ZNF257: variants seen among roughly 807,000 people sequenced by gnomAD.
ZNF257 encodes the protein bone marrow zinc finger 4.
ZNF257 carries 12 observed loss-of-function variants against 11.9 expected under a neutral mutation model. The ratio of observed to expected loss-of-function variants is 1.01; its 90% CI spans 0.65 to 1.63. The LOEUF (loss-of-function observed/expected upper bound fraction) is 1.63. Ranked by LOEUF, ZNF257 falls within the 40% of genes most tolerant of loss-of-function variation. The pLI is 0.00. For missense variants in ZNF257, 580 were observed against 665.5 expected, an observed-to-expected ratio of 0.87 and a Z score of 1.41; for synonymous variants, 183 against 222.7, an observed-to-expected ratio of 0.82 and a Z score of 1.59.
chr19:22,056,070 AAG>A (rs2021629346), intron 1 of ZNF257, among the ~76,000 whole-genome samples: 1 of 151,820 alleles, frequency 6.6e-6, no homozygotes, highest in African/African-American at 2.4e-5. Flanking sequence ...AAAAAAAAAA[AAG>A]AAAAGAATTG....
Position 22,089,632 on chromosome 19 carries a change from A to T in ZNF257, c.*190A>T. 1 of 1,401,556 alleles carries T rather than the reference A, an allele frequency of 7.1e-7. No individual in the cohort carries two copies. The highest frequency in any genetic ancestry group is 9.4e-7 in the Non-Finnish European group (1 of 1,068,970). The allele number at this position is 1,401,556 out of a possible 1,614,324, so 86.8% of individuals were successfully genotyped here. A position where few individuals can be genotyped will look rare whatever the true frequency, so the allele number is the denominator to read the frequency against. ...GCTGGAGAGAAACTCTTGAAATGTG[A>T]TGAATGTGGCATAGCCTCTTCCCAG... On this transcript the variant is annotated 3_prime_UTR_variant, in exon 4 of 4. Coordinates refer to ENST00000594947, the MANE Select transcript of ZNF257 (RefSeq NM_033468.4).
At chr19:22,075,175 T>TG (rs1157971900) in intron 3 of ZNF257, among the ~76,000 whole-genome samples, 2 of 152,144 alleles carry the variant, frequency 1.3e-5, no homozygotes, top group East Asian at 1.9e-4. Context: ...ACAAAGGGCT[T>TG]GGATAGTTGT....
At chr19:22,073,336 ATTTCTGTTAT>A in intron 2 of ZNF257, 123 bp from the exon 3 acceptor site, 1 of 1,103,680 alleles carries the variant, frequency 9.1e-7, no homozygotes. Flanking sequence ...ATATTTAGAA[ATTTCTGTTAT>A]AAATTAGTAT....
chr19:22,087,425 C>A, intron 3 of ZNF257: 1 of 444,808 alleles, frequency 2.2e-6, no homozygotes, highest in Non-Finnish European at 3.7e-6. Context: ...TCACTTGCTA[C>A]ACTTGTTACC....
At position 22,073,005 on chromosome 19, in the gene ZNF257, T is replaced by G. The variant is rs2022142507; in HGVS notation, c.130+70T>G. Reference sequence around the variant, plus strand: ...TTTATTTTTTATTTATTTTTTTTTTTGTAGAATGTTTTTTGGTAATTTGGT... The same window carrying G: ...TTTATTTTTTATTTATTTTTTTTTTGGTAGAATGTTTTTTGGTAATTTGGT... On this transcript the variant is annotated intron_variant, in intron 2 of 3. Transcript: ENST00000594947. The G allele has an allele frequency of 8.5e-6, 12 of 1,411,542 alleles. No individual in the cohort carries two copies. The East Asian group carries it at 3.1e-4, about 37-fold the overall frequency. The allele number at this position is 1,411,542 out of a possible 1,614,324, so 87.4% of individuals were successfully genotyped here. A position where few individuals can be genotyped will look rare whatever the true frequency, so the allele number is the denominator to read the frequency against.
intron 3 of ZNF257, among the ~76,000 whole-genome samples, chr19:22,082,308 G>C (rs1001672175): frequency 2.0e-5 from 3 of 152,070 alleles, no homozygotes; most frequent in African/African-American, 7.2e-5. Context: ...ATATGATGCT[G>C]TGCGAATTTT....
intron 1 of ZNF257, among the ~76,000 whole-genome samples, chr19:22,065,515 A>T (rs10415826): frequency 0.27 from 40,517 of 151,904 alleles, 6,707 homozygotes; most frequent in African/African-American, 0.47. Flanking sequence ...AGACATTTTT[A>T]AAAAATTTTA....
chr19:22,077,208 A>G (rs189397139), intron 3 of ZNF257, among the ~76,000 whole-genome samples: 1 of 152,178 alleles, frequency 6.6e-6, no homozygotes, highest in East Asian at 1.9e-4. Context: ...GGTCCTAGCT[A>G]TTTGGGAGAT....
intron 1 of ZNF257, among the ~76,000 whole-genome samples, chr19:22,068,030 A>C (rs975304107): frequency 2.0e-5 from 3 of 152,004 alleles, no homozygotes; most frequent in African/African-American, 7.3e-5. Context: ...TGTTATTTCT[A>C]TAAATAAATA....
In ZNF257 at chr19:22,073,451, C is replaced by T. The variant is rs2022152761; in HGVS notation, c.131-18C>T. The T allele has an allele frequency of 1.3e-6, 2 of 1,599,078 alleles. No individual in the cohort carries two copies. Among genetic ancestry groups the T allele is most frequent in the East Asian group, 4.5e-5 (2 of 44,486 alleles). On this transcript the variant is annotated intron_variant, in intron 2 of 3. Coordinates refer to ENST00000594947, the MANE Select transcript of ZNF257 (RefSeq NM_033468.4). ...GAGAATATGAGCAAGATGCGTGTTACTTATTTTTAAAAAACAGGTATTGCT... is the reference window on the plus strand; with the variant it reads ...GAGAATATGAGCAAGATGCGTGTTATTTATTTTTAAAAAACAGGTATTGCT...
intron 3 of ZNF257, among the ~76,000 whole-genome samples, chr19:22,084,594 TATTA>T (rs999955434): frequency 1.1e-4 from 16 of 152,196 alleles, no homozygotes; most frequent in Admixed American, 9.8e-4. Context: ...ATCTATACAA[TATTA>T]ATTATTTTAA....
chr19:22,090,698 A>G lies in ZNF257; in HGVS notation c.*1256A>G, dbSNP rs2022605793. On this transcript the variant is annotated 3_prime_UTR_variant, in exon 4 of 4. Transcript: ENST00000594947. Reference sequence around the variant, plus strand: ...GTAGACATTTCTTTGAGAAGTCATAATTAAATTCAAGTATACTTTTTTGAT... The same window carrying G: ...GTAGACATTTCTTTGAGAAGTCATAGTTAAATTCAAGTATACTTTTTTGAT... The G allele has an allele frequency of 6.6e-6, 1 of 152,174 alleles. No homozygotes were observed. The highest frequency in any genetic ancestry group is 1.5e-5 in the Non-Finnish European group (1 of 68,010). 9.4% of individuals were successfully genotyped at this position (152,174 alleles called of 1,614,324 possible).
At chr19:22,055,339 G>A (rs1382045152) in intron 1 of ZNF257, among the ~76,000 whole-genome samples, 2 of 151,946 alleles carry the variant, frequency 1.3e-5, no homozygotes, top group African/African-American at 2.4e-5. Flanking sequence ...CCAAGTAGCT[G>A]GGATTAAAGG....
At chr19:22,056,054 C>CAAAAA (rs139730834) in intron 1 of ZNF257, among the ~76,000 whole-genome samples, 3 of 116,674 alleles carry the variant, frequency 2.6e-5, no homozygotes, top group African/African-American at 6.6e-5. Context: ...GACTCCGTCT[C>CAAAAA]AAAAAAAAAA....
rs761485353 is a variant in ZNF257, at chr19:22,088,088, TAAG to T, written c.341_343del (p.Arg114del). 2.2e-5 allele frequency: 35 copies of T among 1,607,652 alleles called. No homozygotes were observed. In the Admixed American group the frequency reaches 5.9e-4, roughly 27 times the overall value. ...AAATGTGAACATGAGAATTTACAAT[TAAG>T]AAAGGGCTGTAAAAGTGTGGATGAG... On this transcript the variant is annotated inframe_deletion, in exon 4 of 4. Transcript: ENST00000594947.
intron 1 of ZNF257, among the ~76,000 whole-genome samples, chr19:22,054,583 A>G (rs2021575567): frequency 2.0e-5 from 3 of 152,230 alleles, no homozygotes; most frequent in African/African-American, 7.2e-5. Context: ...CCATATTTTA[A>G]TCATTTTTTG....
At chr19:22,075,816 C>T (rs10404255) in intron 3 of ZNF257, 7,192 of 152,296 alleles carry the variant, frequency 0.047, 616 homozygotes, top group African/African-American at 0.17. Flanking sequence ...AAGCAATTCT[C>T]CAACCTTAAT....
chr19:22,082,662 G>C lies in ZNF257; in HGVS notation c.227-5315G>C, dbSNP rs905966585. ...TCTTTTTCATTTTCAAGTAAACTCT[G>C]TATTACTTTTTCCCTATAGTCTTCT... On this transcript the variant is annotated intron_variant, in intron 3 of 3. Coordinates refer to ENST00000594947, the MANE Select transcript of ZNF257 (RefSeq NM_033468.4). Among the ~76,000 whole-genome samples, 5 of 152,008 alleles carry C rather than the reference G, an allele frequency of 3.3e-5. No homozygotes were observed. In the South Asian group the frequency reaches 1.0e-3, roughly 32 times the overall value.
intron 1 of ZNF257, among the ~76,000 whole-genome samples, chr19:22,064,865 C>G (rs912673466): frequency 6.6e-6 from 1 of 152,004 alleles, no homozygotes; most frequent in African/African-American, 2.4e-5. Context: ...ACCAGCCTGG[C>G]CAACATGGCG....
Sources: gnomAD v4.1 joint callset for allele counts (sites outside exome capture counted in the v4.1 genomes callset) on GRCh38, gnomAD v4.1.1 for gene constraint, MANE v1.5 for transcripts, NCBI Gene and HGNC (gene_info 2026-07-23, HGNC 2026-07-21) for gene names.